SSBP2: variants seen among roughly 807,000 people sequenced by gnomAD.
SSBP2 encodes the protein single-stranded DNA-binding protein 2.
In SSBP2, 17 loss-of-function variants were observed where a neutral mutation model predicts 61.8. That is an observed-to-expected ratio of 0.28 (90% CI 0.19 to 0.41). The LOEUF is 0.41. Among genes scored for constraint, SSBP2 ranks in the 10% least tolerant of loss-of-function variants. The pLI, the probability that SSBP2 is intolerant of heterozygous loss-of-function variation, is 1.00. For synonymous variants in SSBP2, 139 were observed against 141.3 expected, an observed-to-expected ratio of 0.98 and a Z score of 0.12; for missense variants, 310 against 458.7, an observed-to-expected ratio of 0.68 and a Z score of 2.96.
Position 81,686,286 on chromosome 5 carries a change from G to A in SSBP2, c.63-35947C>T, listed in dbSNP as rs189288818. On this transcript the variant is annotated intron_variant, in intron 1 of 16. Coordinates refer to ENST00000320672, the MANE Select transcript of SSBP2 (RefSeq NM_012446.5). The stretch of plus-strand genomic sequence containing the variant: ...CAGTGATCGCAAGTGAAGATCTGTT[G>A]GATATTTTTAATGTAAATCAAATTC... 2.4e-3 allele frequency among the ~76,000 whole-genome samples: 361 copies of A among 152,076 alleles called. 4 individuals are homozygous for A. The highest frequency in any genetic ancestry group is 5.0e-3 in the Admixed American group (77 of 15,264).
chr5:81,712,567 G>A lies in SSBP2; in HGVS notation c.62+38414C>T, dbSNP rs1259757473. Among the ~76,000 whole-genome samples, 2 of 5,998 alleles carry A rather than the reference G, an allele frequency of 3.3e-4. 1 individual carries two copies. Among genetic ancestry groups the A allele is most frequent in the Non-Finnish European group, 6.5e-4 (2 of 3,084 alleles). 3.9% of individuals were successfully genotyped at this position (5,998 alleles called of 152,430 possible). ...AGTGAGCCGAGATTGCGCCACTGCA[G>A]TCCGCAGTCCGGCCTGGGCGACAGA... On this transcript the variant is annotated intron_variant, in intron 1 of 16. Transcript: ENST00000320672.
chr5:81,545,928 A>G (rs1771696354), intron 4 of SSBP2, among the ~76,000 whole-genome samples: 1 of 152,190 alleles, frequency 6.6e-6, no homozygotes. Context: ...TTGGTGAGCT[A>G]GACAGATGAA....
At chr5:81,472,116 A>G (rs71636273) in intron 8 of SSBP2, among the ~76,000 whole-genome samples, 21,208 of 152,140 alleles carry the variant, frequency 0.14, 1,891 homozygotes, top group Admixed American at 0.2. Context: ...TGTTTCTTGG[A>G]AAGGAGAAAT....
intron 1 of SSBP2, among the ~76,000 whole-genome samples, chr5:81,658,178 T>C (rs1321058896): frequency 6.6e-6 from 1 of 152,214 alleles, no homozygotes; most frequent in Non-Finnish European, 1.5e-5. Flanking sequence ...ATTCCTAATC[T>C]AAATGAACTT....
At chr5:81,614,359 CAAAAAAAA>C (rs10659647) in intron 4 of SSBP2, among the ~76,000 whole-genome samples, 2 of 73,826 alleles carry the variant, frequency 2.7e-5, no homozygotes, top group South Asian at 5.5e-4. Flanking sequence ...GACTCCGTCT[CAAAAAAAA>C]AAAAAAAAAA....
At chr5:81,618,102 A>G (rs1400102403) in intron 3 of SSBP2, among the ~76,000 whole-genome samples, 2 of 105,592 alleles carry the variant, frequency 1.9e-5, no homozygotes, top group Middle Eastern at 3.8e-3. Flanking sequence ...ACACATAACA[A>G]TATTAACTTT....
chr5:81,522,078 G>C (rs1769534039), intron 4 of SSBP2, among the ~76,000 whole-genome samples: 1 of 151,962 alleles, frequency 6.6e-6, no homozygotes, highest in African/African-American at 2.4e-5. Context: ...GAGAAAAACA[G>C]TATACATAAA....
At chr5:81,613,257 C>T (rs1190986904) in intron 4 of SSBP2, among the ~76,000 whole-genome samples, 1 of 121,928 alleles carries the variant, frequency 8.2e-6, no homozygotes, top group African/African-American at 2.6e-5. Context: ...TTATAAAATT[C>T]AAATACTGAT....
chr5:81,506,449 A>G (rs1488153275), intron 5 of SSBP2, among the ~76,000 whole-genome samples: 1 of 152,124 alleles, frequency 6.6e-6, no homozygotes, highest in African/African-American at 2.4e-5. Context: ...TACTCATTCA[A>G]ACTAAGAAGG....
intron 16 of SSBP2, among the ~76,000 whole-genome samples, chr5:81,420,854 TGGTA>T (rs769188223): frequency 5.9e-5 from 9 of 152,178 alleles, no homozygotes; most frequent in Non-Finnish European, 1.3e-4. Flanking sequence ...TAAAAACCTT[TGGTA>T]AATTTAGTCC....
chr5:81,699,771 C>T (rs897309138), intron 1 of SSBP2, among the ~76,000 whole-genome samples: 2 of 152,038 alleles, frequency 1.3e-5, no homozygotes, highest in African/African-American at 4.8e-5. Flanking sequence ...ATGGTGAATC[C>T]TTCCAGAAAA....
chr5:81,700,488 G>A (rs419435), intron 1 of SSBP2, among the ~76,000 whole-genome samples: 71,705 of 151,976 alleles, frequency 0.47, 17,551 homozygotes, highest in Middle Eastern at 0.69. Flanking sequence ...AATAAGCATT[G>A]GCTTCAGCTT....
chr5:81,560,364 CTG>C (rs1224127025), intron 4 of SSBP2, among the ~76,000 whole-genome samples: 1 of 149,490 alleles, frequency 6.7e-6, no homozygotes, highest in African/African-American at 2.6e-5. Flanking sequence ...GCTATAAACT[CTG>C]TACTGCCAAA....
Position 81,597,045 on chromosome 5 carries a change from T to A in SSBP2, c.282+18428A>T, listed in dbSNP as rs1000800474. 2.6e-5 allele frequency among the ~76,000 whole-genome samples: 4 copies of A among 152,154 alleles called. No individual in the cohort carries two copies. The South Asian group carries it at 8.3e-4, about 32-fold the overall frequency. Reference sequence around the variant, plus strand: ...AGCAAAAGAAACTACCATCAGAGTGTACAGGCAACCTGTTGGGAGAAAATT... The same window carrying A: ...AGCAAAAGAAACTACCATCAGAGTGAACAGGCAACCTGTTGGGAGAAAATT... On this transcript the variant is annotated intron_variant, in intron 4 of 16. Coordinates refer to ENST00000320672, the MANE Select transcript of SSBP2 (RefSeq NM_012446.5).
intron 1 of SSBP2, among the ~76,000 whole-genome samples, chr5:81,686,526 A>C (rs916479326): frequency 1.3e-5 from 2 of 152,286 alleles, no homozygotes; most frequent in Admixed American, 1.3e-4. Context: ...GCCAGTAATT[A>C]TTGTATTTAG....
At chr5:81,457,834 G>A (rs1316594616) in intron 10 of SSBP2, among the ~76,000 whole-genome samples, 4 of 151,848 alleles carry the variant, frequency 2.6e-5, no homozygotes, top group Middle Eastern at 3.4e-3. Context: ...CTAATTTTTC[G>A]TATTTTTAGT....
In SSBP2 at chr5:81,515,991, GA is replaced by G. The variant is rs201648767; in HGVS notation, c.283-2275del. Among the ~76,000 whole-genome samples the G allele has an allele frequency of 1.6e-4, 24 of 151,424 alleles. 2 individuals are homozygous for G. The East Asian group carries it at 4.2e-3, about 27-fold the overall frequency. The stretch of plus-strand genomic sequence containing the variant: ...TGTAATATAGTAGTTAATGTAATAG[GA>G]AAAAAAATCTTTGCCCTCATAAAGC... On this transcript the variant is annotated intron_variant, in intron 4 of 16. Coordinates refer to ENST00000320672, the MANE Select transcript of SSBP2 (RefSeq NM_012446.5).
intron 6 of SSBP2, among the ~76,000 whole-genome samples, chr5:81,475,069 A>C (rs1765497544): frequency 6.6e-6 from 1 of 152,154 alleles, no homozygotes; most frequent in African/African-American, 2.4e-5. Context: ...TAAATTAAGC[A>C]ATTTGCGTGT....
chr5:81,704,300 A>G (rs148054920), intron 1 of SSBP2, among the ~76,000 whole-genome samples: 17 of 152,300 alleles, frequency 1.1e-4, no homozygotes, highest in African/African-American at 3.8e-4. Context: ...CAAGTTACCT[A>G]TGAGTCTTAT....
Sources: allele counts gnomAD v4.1 joint callset (sites outside exome capture counted in the v4.1 genomes callset), GRCh38; gene constraint gnomAD v4.1.1; transcripts MANE v1.5; gene names NCBI Gene and HGNC (gene_info 2026-07-23, HGNC 2026-07-21).